Variants in CCDC178 observed in about 807,000 individuals in gnomAD.
The protein encoded by CCDC178 is coiled-coil domain-containing protein 178.
CCDC178 carries 126 observed loss-of-function variants against 117.4 expected under a neutral mutation model. That is an observed-to-expected ratio of 1.07 (90% CI 0.93 to 1.24). CCDC178 has a LOEUF of 1.24. Ranked by LOEUF, CCDC178 falls within the 50% of genes most tolerant of loss-of-function variation. CCDC178 has a pLI of 0.00. For missense variants in CCDC178, 1,030 were observed against 986.9 expected (o/e 1.04, Z -0.59); for synonymous variants, 283 against 313.4 (o/e 0.90, Z 1.02).
At chr18:33,070,040 T>C (rs1176179057) in intron 21 of CCDC178, among the ~76,000 whole-genome samples, 3 of 152,036 alleles carry the variant, frequency 2.0e-5, no homozygotes, top group Non-Finnish European at 4.4e-5. Context: ...CTGGAAATAA[T>C]ACAGAGAAAA....
At chr18:33,287,587 T>C (rs1363218535) in intron 12 of CCDC178, among the ~76,000 whole-genome samples, 1 of 152,066 alleles carries the variant, frequency 6.6e-6, no homozygotes, top group Non-Finnish European at 1.5e-5. Flanking sequence ...AAGACCAGTC[T>C]GGCCAACAGG....
At chr18:33,035,483 A>C (rs1277257267) in intron 21 of CCDC178, among the ~76,000 whole-genome samples, 1 of 152,040 alleles carries the variant, frequency 6.6e-6, no homozygotes. Flanking sequence ...TGAATCTTGA[A>C]AACATTATGC....
intron 6 of CCDC178, among the ~76,000 whole-genome samples, chr18:33,368,130 G>A (rs1236666022): frequency 6.6e-6 from 1 of 151,994 alleles, no homozygotes; most frequent in African/African-American, 2.4e-5. Flanking sequence ...CACTACCTGT[G>A]TGATGTGTAC....
At chr18:33,336,973 G>C (rs543749081) in intron 9 of CCDC178, among the ~76,000 whole-genome samples, 1 of 151,944 alleles carries the variant, frequency 6.6e-6, no homozygotes, top group African/African-American at 2.4e-5. Context: ...CATTGAATTT[G>C]TATGTTGCTT....
intron 21 of CCDC178, among the ~76,000 whole-genome samples, chr18:32,984,043 A>G (rs1224904268): frequency 3.9e-5 from 6 of 152,032 alleles, no homozygotes; most frequent in Admixed American, 1.3e-4. Context: ...TTTCTTTATT[A>G]CCAAATCCAT....
chr18:33,043,633 A>T (rs1308001997), intron 21 of CCDC178, among the ~76,000 whole-genome samples: 1 of 152,080 alleles, frequency 6.6e-6, no homozygotes, highest in Non-Finnish European at 1.5e-5. Context: ...ATAATTTTGT[A>T]TAAATTAAGT....
chr18:33,206,080 A>C (rs904803728), intron 20 of CCDC178, among the ~76,000 whole-genome samples: 20 of 152,220 alleles, frequency 1.3e-4, no homozygotes, highest in Admixed American at 3.9e-4. Flanking sequence ...AGATAAAAAA[A>C]GTTTTTTAAA....
chr18:33,110,306 CA>C (rs1567994581), intron 20 of CCDC178, among the ~76,000 whole-genome samples: 2 of 151,478 alleles, frequency 1.3e-5, no homozygotes, highest in Non-Finnish European at 3.0e-5. Context: ...CTTTGTTGGA[CA>C]TATGTATCTA....
At chr18:33,165,999 A>G (rs1230495359) in intron 20 of CCDC178, among the ~76,000 whole-genome samples, 2 of 152,234 alleles carry the variant, frequency 1.3e-5, no homozygotes, top group Non-Finnish European at 2.9e-5. Context: ...TGAGAAACAC[A>G]GTGAGTACTT....
chr18:33,185,379 AG>A (rs1043129272), intron 20 of CCDC178, among the ~76,000 whole-genome samples: 3 of 152,088 alleles, frequency 2.0e-5, no homozygotes, highest in African/African-American at 7.2e-5. Flanking sequence ...TATGGATGAA[AG>A]GGGTAAGAGT....
intron 2 of CCDC178, among the ~76,000 whole-genome samples, chr18:33,430,374 T>C (rs909690489): frequency 1.3e-5 from 2 of 152,208 alleles, no homozygotes; most frequent in Non-Finnish European, 2.9e-5. Context: ...GTGGTAGAAA[T>C]AACAATATGT....
intron 21 of CCDC178, among the ~76,000 whole-genome samples, chr18:33,033,573 AT>A (rs981946749): frequency 1.3e-5 from 2 of 152,034 alleles, no homozygotes; most frequent in Non-Finnish European, 2.9e-5. Flanking sequence ...ATACACAAAA[AT>A]ATTCAAACTT....
chr18:33,011,448 TTCTG>T (rs1421567497), intron 21 of CCDC178, among the ~76,000 whole-genome samples: 1 of 152,006 alleles, frequency 6.6e-6, no homozygotes, highest in Admixed American at 6.6e-5. Flanking sequence ...AGTATAATAA[TTCTG>T]TCAAAGCCCC....
intron 20 of CCDC178, among the ~76,000 whole-genome samples, chr18:33,176,239 G>A (rs2058663650): frequency 6.6e-6 from 1 of 151,994 alleles, no homozygotes; most frequent in Admixed American, 6.6e-5. Flanking sequence ...AACATCCATG[G>A]AGTTGTCCAG....
At chr18:33,222,758 T>G in intron 18 of CCDC178, among the ~76,000 whole-genome samples, 1 of 152,242 alleles carries the variant, frequency 6.6e-6, no homozygotes, top group African/African-American at 2.4e-5. Flanking sequence ...TCTTTTCTTC[T>G]TCTTCATTTT....
chr18:33,352,585 AT>A (rs2062992556), intron 7 of CCDC178, among the ~76,000 whole-genome samples: 1 of 152,038 alleles, frequency 6.6e-6, no homozygotes, highest in Non-Finnish European at 1.5e-5. Context: ...CTTTTGCTGC[AT>A]TTCGTAAGTT....
rs147690327 is a variant in CCDC178 at position 33,318,003 on chromosome 18, A to T, written c.1022+5488T>A. On this transcript the variant is annotated intron_variant, in intron 11 of 22. Transcript: ENST00000383096. ...CCAATCCTCATGAAACAACCGGAAG[A>T]AGGCATAGGAGGACAAAAATGAAGC... Among the ~76,000 whole-genome samples the T allele has an allele frequency of 1.1e-3, 172 of 152,232 alleles. 1 individual carries two copies. The highest frequency in any genetic ancestry group is 3.9e-3 in the African/African-American group (161 of 41,532).
chr18:33,205,703 T>C (rs1351573220), intron 20 of CCDC178, among the ~76,000 whole-genome samples: 1 of 152,220 alleles, frequency 6.6e-6, no homozygotes, highest in Non-Finnish European at 1.5e-5. Context: ...TACCAATTAC[T>C]TATTTATTTG....
chr18:33,008,299 A>G (rs1368348604), intron 21 of CCDC178, among the ~76,000 whole-genome samples: 1 of 152,118 alleles, frequency 6.6e-6, no homozygotes, highest in African/African-American at 2.4e-5. Flanking sequence ...TTCACTGAAA[A>G]ATATTGAAGT....
Sources: gnomAD v4.1 joint callset for allele counts (sites outside exome capture counted in the v4.1 genomes callset) on GRCh38, gnomAD v4.1.1 for gene constraint, MANE v1.5 for transcripts, NCBI Gene and HGNC (gene_info 2026-07-23, HGNC 2026-07-21) for gene names.